HIVEP3: variants seen among roughly 807,000 people sequenced by gnomAD.
The protein encoded by HIVEP3 is transcription factor HIVEP3.
HIVEP3 carries 49 observed loss-of-function variants against 152.8 expected under a neutral mutation model. The observed-to-expected ratio is 0.32, with a 90% confidence interval of 0.26 to 0.41. The LOEUF (loss-of-function observed/expected upper bound fraction) is 0.41, where lower values mean the gene tolerates loss of function less well. Ranked by LOEUF, HIVEP3 falls within the 10% of genes least tolerant of loss-of-function variation. The pLI is 1.00. For missense variants in HIVEP3, 2,790 were observed against 3,103.3 expected, an observed-to-expected ratio of 0.90 and a Z score of 2.40; for synonymous variants, 1,269 against 1,289.0, an observed-to-expected ratio of 0.98 and a Z score of 0.33.
intron 7 of HIVEP3, among the ~76,000 whole-genome samples, chr1:41,516,510 C>T (rs2149048580): frequency 6.6e-6 from 1 of 152,310 alleles, no homozygotes; most frequent in South Asian, 2.1e-4. Context: ...CATATGGGGT[C>T]ATCTGAGCCT....
At chr1:41,758,524 G>A (rs950167351) in intron 1 of HIVEP3, among the ~76,000 whole-genome samples, 1 of 152,232 alleles carries the variant, frequency 6.6e-6, no homozygotes, top group African/African-American at 2.4e-5. Flanking sequence ...TTCCTAGGAA[G>A]CTTTATAAAA....
intron 5 of HIVEP3, among the ~76,000 whole-genome samples, chr1:41,564,389 A>T (rs1325681639): frequency 6.6e-6 from 1 of 152,200 alleles, no homozygotes; most frequent in Non-Finnish European, 1.5e-5. Flanking sequence ...AACAGAGGAG[A>T]GGAGATAATC....
At chr1:41,928,437 C>T (rs1644978883) in intron 1 of HIVEP3, among the ~76,000 whole-genome samples, 1 of 152,144 alleles carries the variant, frequency 6.6e-6, no homozygotes, top group African/African-American at 2.4e-5. Flanking sequence ...ACACCCTTTA[C>T]CCAGTTTTCA....
At chr1:41,964,893 C>T (rs545893206) in intron 1 of HIVEP3, among the ~76,000 whole-genome samples, 1 of 152,388 alleles carries the variant, frequency 6.6e-6, no homozygotes, top group Non-Finnish European at 1.5e-5. Context: ...GCAGTGCACC[C>T]GTTCTGCCAA....
intron 1 of HIVEP3, among the ~76,000 whole-genome samples, chr1:42,004,406 G>A (rs370690954): frequency 6.6e-6 from 1 of 152,130 alleles, no homozygotes; most frequent in Non-Finnish European, 1.5e-5. Context: ...AAATAAGGAA[G>A]AAAGGGGAGC....
chr1:41,810,671 C>T (rs896572365), intron 1 of HIVEP3, among the ~76,000 whole-genome samples: 4 of 152,248 alleles, frequency 2.6e-5, no homozygotes, highest in Non-Finnish European at 4.4e-5. Flanking sequence ...TACTGACCCT[C>T]ATTCCTGGCT....
chr1:41,585,261 T>A lies in HIVEP3; in HGVS notation c.-464A>T. 6 of 399,084 alleles carry A rather than the reference T, an allele frequency of 1.5e-5. No individual in the cohort carries two copies. The highest frequency in any genetic ancestry group is 2.2e-5 in the Non-Finnish European group (5 of 226,180). The allele number at this position is 399,084 out of a possible 1,614,324, so 24.7% of individuals were successfully genotyped here. A position where few individuals can be genotyped will look rare whatever the true frequency, so the allele number is the denominator to read the frequency against. ...CGCTGGATGCTGGGGGTGGCTCTTC[T>A]CCCCTTTAGTTCTGGGTTGGAGATC... is the stretch of plus-strand genomic sequence containing the variant. On this transcript the variant is annotated 5_prime_UTR_variant, in exon 4 of 9. Transcript: ENST00000372583.
At chr1:41,560,307 C>T (rs1644039479) in intron 5 of HIVEP3, among the ~76,000 whole-genome samples, 1 of 152,146 alleles carries the variant, frequency 6.6e-6, no homozygotes, top group African/African-American at 2.4e-5. Context: ...AGGATTTGAA[C>T]CCAGGTGTGC....
chr1:41,665,184 G>C (rs1645775423), intron 2 of HIVEP3, among the ~76,000 whole-genome samples: 2 of 152,166 alleles, frequency 1.3e-5, no homozygotes, highest in South Asian at 4.1e-4. Context: ...GAGAAAGAAG[G>C]TGGGGGCAGA....
chr1:41,707,055 G>C (rs1266910372), intron 1 of HIVEP3, among the ~76,000 whole-genome samples: 2 of 152,186 alleles, frequency 1.3e-5, no homozygotes, highest in Non-Finnish European at 2.9e-5. Flanking sequence ...TTAAATTGCA[G>C]ATCAGCATGT....
intron 1 of HIVEP3, among the ~76,000 whole-genome samples, chr1:41,905,431 G>A (rs1162691297): frequency 1.3e-5 from 2 of 152,188 alleles, no homozygotes; most frequent in African/African-American, 4.8e-5. Flanking sequence ...ATTATGAGCT[G>A]TTAAAAGGGG....
At chr1:41,859,285 A>G (rs1643854620) in intron 1 of HIVEP3, among the ~76,000 whole-genome samples, 1 of 152,316 alleles carries the variant, frequency 6.6e-6, no homozygotes, top group East Asian at 1.9e-4. Flanking sequence ...AAAGAACTCA[A>G]TGAAAATTTG....
chr1:41,576,444 C>T (rs1644328762), intron 4 of HIVEP3, among the ~76,000 whole-genome samples: 1 of 152,204 alleles, frequency 6.6e-6, no homozygotes, highest in African/African-American at 2.4e-5. Flanking sequence ...TTCCACTATC[C>T]CAAGAACACG....
chr1:41,985,513 C>A (rs941570767), intron 1 of HIVEP3, among the ~76,000 whole-genome samples: 1 of 152,216 alleles, frequency 6.6e-6, no homozygotes, highest in Non-Finnish European at 1.5e-5. Flanking sequence ...AGCAAACTCT[C>A]TTCTTATAGG....
At chr1:41,864,539 C>G (rs1004582606) in intron 1 of HIVEP3, 3 of 152,232 alleles carry the variant, frequency 2.0e-5, no homozygotes, top group Non-Finnish European at 4.4e-5. Flanking sequence ...CTACCCTAAC[C>G]GGGCACTGGA....
chr1:41,688,547 T>G (rs1646146999), intron 2 of HIVEP3, among the ~76,000 whole-genome samples: 2 of 152,244 alleles, frequency 1.3e-5, no homozygotes, highest in Admixed American at 1.3e-4. Context: ...AACACTTAAC[T>G]CATTCTTAAA....
At chr1:41,644,800 TC>T (rs933553481) in intron 2 of HIVEP3, among the ~76,000 whole-genome samples, 2 of 140,552 alleles carry the variant, frequency 1.4e-5, no homozygotes, top group Non-Finnish European at 3.0e-5. Flanking sequence ...TTATCCAAAG[TC>T]CCCCAGCAAG....
Position 41,606,207 on chromosome 1 carries a change from G to A in HIVEP3, c.-521-20889C>T, listed in dbSNP as rs563284294. On this transcript the variant is annotated intron_variant, in intron 3 of 8. Transcript: ENST00000372583. ...CAATTTTTGGTGGTTACCAATTTTT[G>A]GTGGTTCTGGCAGTTGCTTTTAGCA... is the stretch of plus-strand genomic sequence containing the variant. 2.1e-3 allele frequency among the ~76,000 whole-genome samples: 324 copies of A among 151,884 alleles called. 1 individual carries two copies. Among genetic ancestry groups the A allele is most frequent in the South Asian group, 4.8e-3 (23 of 4,808 alleles).
intron 1 of HIVEP3, among the ~76,000 whole-genome samples, chr1:41,957,597 C>A (rs904750619): frequency 6.6e-5 from 10 of 152,194 alleles, no homozygotes; most frequent in Non-Finnish European, 2.9e-5. Context: ...GAAAGTTCAA[C>A]GTGCAGTGAT....
Sources: allele counts gnomAD v4.1 joint callset (sites outside exome capture counted in the v4.1 genomes callset), GRCh38; gene constraint gnomAD v4.1.1; transcripts MANE v1.5; gene names NCBI Gene and HGNC (gene_info 2026-07-23, HGNC 2026-07-21).